The following FARP2 variants were observed in gnomAD, a reference collection of about 807,000 sequenced individuals.
FARP2 encodes the protein FERM, ARHGEF and pleckstrin domain-containing protein 2.
FARP2 carries 111 observed loss-of-function variants against 130.5 expected under a neutral mutation model. The ratio of observed to expected loss-of-function variants is 0.85; its 90% CI spans 0.73 to 1.00. FARP2 has a LOEUF of 1.00. Ranked by LOEUF, FARP2 falls within the 50% of genes least tolerant of loss-of-function variation. The pLI is 0.00. For missense variants in FARP2, 1,385 were observed against 1,346.3 expected, an observed-to-expected ratio of 1.03 and a Z score of -0.45; for synonymous variants, 504 against 516.9, an observed-to-expected ratio of 0.98 and a Z score of 0.34.
intron 19 of FARP2, 122 bp downstream of exon 19, chr2:241,476,109 A>T: frequency 1.2e-6 from 1 of 801,938 alleles, no homozygotes; most frequent in Non-Finnish European, 1.9e-6. Context: ...ACAGTGGCTC[A>T]TACCTGTAAT....
At chr2:241,373,411 A>G in intron 2 of FARP2, 121 bp downstream of exon 2, 1 of 541,948 alleles carries the variant, frequency 1.8e-6, no homozygotes, top group Non-Finnish European at 2.9e-6. Context: ...AGCTTTGGTA[A>G]CACATGAGAA....
chr2:241,426,128 G>A (rs940746738), intron 8 of FARP2, among the ~76,000 whole-genome samples: 5 of 152,252 alleles, frequency 3.3e-5, no homozygotes, highest in East Asian at 1.9e-4. Context: ...CTCCACATCC[G>A]AGACAGGCAG....
At position 241,456,740 on chromosome 2, in the gene FARP2, T is replaced by C. The variant is rs199966442; in HGVS notation, c.1412-7T>C. 252 of 1,614,074 alleles carry C rather than the reference T, an allele frequency of 1.6e-4. No homozygotes were observed. The highest frequency in any genetic ancestry group is 2.1e-4 in the Non-Finnish European group (247 of 1,179,976). ...CTCGCTCCATCCCCCTCCCCGTTCA[T>C]TTCCAGGCCTTTCCACGAAGAGTCC... On this transcript the variant is annotated splice_region_variant and splice_polypyrimidine_tract_variant and intron_variant, in intron 13 of 26. Coordinates refer to ENST00000264042, the MANE Select transcript of FARP2 (RefSeq NM_014808.4).
intron 8 of FARP2, among the ~76,000 whole-genome samples, chr2:241,424,390 A>G (rs1034364536): frequency 6.6e-6 from 1 of 152,226 alleles, no homozygotes; most frequent in Admixed American, 6.5e-5. Context: ...TTAAGGTAGA[A>G]ATCAAGAATT....
chr2:241,452,646 A>AT (rs1574852427), intron 13 of FARP2, among the ~76,000 whole-genome samples: 1 of 151,698 alleles, frequency 6.6e-6, no homozygotes, highest in Non-Finnish European at 1.5e-5. Context: ...AAAAAAAAAA[A>AT]GAAAGAAAAA....
chr2:241,406,619 G>A (rs1462373668), intron 4 of FARP2, among the ~76,000 whole-genome samples: 1 of 151,054 alleles, frequency 6.6e-6, no homozygotes, highest in East Asian at 2.0e-4. Flanking sequence ...GCTAATTTGG[G>A]GTTTTTTTGG....
At chr2:241,395,343 T>C (rs1487688898) in intron 2 of FARP2, 1 of 152,166 alleles carries the variant, frequency 6.6e-6, no homozygotes, top group Non-Finnish European at 1.5e-5. Flanking sequence ...TAAAAATATA[T>C]CTCTATACCT....
intron 19 of FARP2, among the ~76,000 whole-genome samples, chr2:241,480,865 T>C (rs778679014): frequency 2.0e-5 from 3 of 152,088 alleles, no homozygotes; most frequent in Non-Finnish European, 4.4e-5. Context: ...TTCTTTTGCA[T>C]GTGGAGGTCC....
chr2:241,447,927 C>T (rs915685207), intron 13 of FARP2, among the ~76,000 whole-genome samples: 1 of 152,164 alleles, frequency 6.6e-6, no homozygotes, highest in African/African-American at 2.4e-5. Flanking sequence ...GGTGGTGCCT[C>T]CCCGGGGCTC....
intron 2 of FARP2, among the ~76,000 whole-genome samples, chr2:241,376,644 T>C (rs1484434422): frequency 1.3e-5 from 2 of 152,260 alleles, no homozygotes; most frequent in Non-Finnish European, 2.9e-5. Flanking sequence ...CATCACTGTC[T>C]TGCTGTCGTT....
At chr2:241,476,203 T>C (rs1464790132) in intron 19 of FARP2, among the ~76,000 whole-genome samples, 1 of 139,272 alleles carries the variant, frequency 7.2e-6, no homozygotes, top group Non-Finnish European at 1.5e-5. Context: ...GGAAACCCCA[T>C]TTCTATGAAT....
intron 19 of FARP2, among the ~76,000 whole-genome samples, chr2:241,476,320 G>A (rs1200227003): frequency 6.6e-6 from 1 of 151,912 alleles, no homozygotes; most frequent in Non-Finnish European, 1.5e-5. Flanking sequence ...CAAGGAGGTC[G>A]AGGCTGGAGT....
At chr2:241,406,498 G>A (rs1044768692) in intron 4 of FARP2, among the ~76,000 whole-genome samples, 5 of 152,172 alleles carry the variant, frequency 3.3e-5, no homozygotes, top group South Asian at 2.1e-4. Flanking sequence ...CCAGCCTGGA[G>A]TGCAGTGGTG....
chr2:241,476,096 G>C, intron 19 of FARP2, 109 bp downstream of exon 19: 1 of 1,013,826 alleles, frequency 9.9e-7, no homozygotes, highest in Non-Finnish European at 1.4e-6. Context: ...ATTTTGGCCA[G>C]GCACAGTGGC....
At chr2:241,454,803 A>G (rs960157179) in intron 13 of FARP2, among the ~76,000 whole-genome samples, 1 of 152,250 alleles carries the variant, frequency 6.6e-6, no homozygotes, top group African/African-American at 2.4e-5. Context: ...TTCTATAGCA[A>G]TGAATGTTTC....
At chr2:241,440,675 C>T (rs1161174320) in intron 12 of FARP2, among the ~76,000 whole-genome samples, 5 of 152,092 alleles carry the variant, frequency 3.3e-5, no homozygotes, top group Admixed American at 6.6e-5. Flanking sequence ...CAGATGAGTG[C>T]GCATTACTGT....
chr2:241,488,160 G>A (rs2064803673), intron 21 of FARP2: 1 of 144,630 alleles, frequency 6.9e-6, no homozygotes. Context: ...ATACCAAACT[G>A]GAAGTGAAAA....
chr2:241,449,366 T>C (rs1243297507), intron 13 of FARP2, among the ~76,000 whole-genome samples: 1 of 152,238 alleles, frequency 6.6e-6, no homozygotes, highest in Non-Finnish European at 1.5e-5. Context: ...AGCCTCAGTT[T>C]CCTGTACCGC....
intron 6 of FARP2, among the ~76,000 whole-genome samples, chr2:241,411,434 A>G (rs774110603): frequency 1.2e-4 from 19 of 152,242 alleles, no homozygotes; most frequent in Non-Finnish European, 2.2e-4. Flanking sequence ...TATTCAGTCT[A>G]AGAGTCAGAA....
Sources: allele counts gnomAD v4.1 joint callset (sites outside exome capture counted in the v4.1 genomes callset), GRCh38; gene constraint gnomAD v4.1.1; transcripts MANE v1.5; gene names NCBI Gene and HGNC (gene_info 2026-07-23, HGNC 2026-07-21).